Variants in ETV6 observed in about 807,000 individuals in gnomAD.
ETV6 encodes transcription factor ETV6.
Under a neutral mutation model 51.1 loss-of-function variants are expected in ETV6, and 16 were observed. The ratio of observed to expected loss-of-function variants is 0.31; its 90% confidence interval spans 0.21 to 0.48. The LOEUF is 0.48. Among genes scored for constraint, ETV6 ranks in the 20% least tolerant of loss-of-function variants. The pLI, the probability that ETV6 is intolerant of heterozygous loss-of-function variation, is 0.99. For missense variants in ETV6, 458 were observed against 594.8 expected, an observed-to-expected ratio of 0.77 and a Z score of 2.39; for synonymous variants, 240 against 224.1, an observed-to-expected ratio of 1.07 and a Z score of -0.64.
intron 4 of ETV6, among the ~76,000 whole-genome samples, chr12:11,864,514 T>A (rs1946764742): frequency 6.6e-6 from 1 of 152,262 alleles, no homozygotes; most frequent in Non-Finnish European, 1.5e-5. Context: ...AATAGTTGTT[T>A]ACAGTGATCA....
Position 11,891,295 on chromosome 12 carries a change from T to C in ETV6, c.*249T>C. 2.3e-6 allele frequency: 1 copy of C among 444,256 alleles called. No homozygotes were observed. The highest frequency in any genetic ancestry group is 4.1e-6 in the Non-Finnish European group (1 of 246,624). The allele number at this position is 444,256 out of a possible 1,614,324, so 27.5% of individuals were successfully genotyped here. A position where few individuals can be genotyped will look rare whatever the true frequency, so the allele number is the denominator to read the frequency against. ...GACTCCATGTCACGTTTCCTTCTGA[T>C]TTGGAATCTCTCCATCTGTAATTCC... On this transcript the variant is annotated 3_prime_UTR_variant, in exon 8 of 8. Coordinates refer to ENST00000396373, the MANE Select transcript of ETV6 (RefSeq NM_001987.5).
intron 1 of ETV6, among the ~76,000 whole-genome samples, chr12:11,747,690 T>G (rs918387095): frequency 6.6e-6 from 1 of 152,152 alleles, no homozygotes; most frequent in African/African-American, 2.4e-5. Context: ...GTGAAAAAAA[T>G]GTCGACTTTC....
chr12:11,773,413 A>G (rs1441550747), intron 2 of ETV6, among the ~76,000 whole-genome samples: 1 of 152,182 alleles, frequency 6.6e-6, no homozygotes, highest in East Asian at 1.9e-4. Context: ...ATGATGTCGG[A>G]ATGAACAAGA....
chr12:11,656,632 T>C lies in ETV6; in HGVS notation c.33+6472T>C, dbSNP rs534718892. Among the ~76,000 whole-genome samples the C allele has an allele frequency of 7.9e-5, 12 of 152,286 alleles. No homozygotes were observed. In the South Asian group the frequency reaches 1.0e-3, roughly 13 times the overall value. On this transcript the variant is annotated intron_variant, in intron 1 of 7. Coordinates refer to ENST00000396373, the MANE Select transcript of ETV6 (RefSeq NM_001987.5). ...GGTGAAATTTTGTCTTTGATGGGTT[T>C]CATTTTGGGCCCTTGTTGTTTTTCT...
chr12:11,796,221 T>C (rs1945674737), intron 2 of ETV6, among the ~76,000 whole-genome samples: 1 of 152,190 alleles, frequency 6.6e-6, no homozygotes, highest in African/African-American at 2.4e-5. Context: ...CTAGTTATGA[T>C]GCATTTGAGA....
intron 1 of ETV6, among the ~76,000 whole-genome samples, chr12:11,692,791 C>A (rs968169840): frequency 6.6e-6 from 1 of 152,148 alleles, no homozygotes; most frequent in Non-Finnish European, 1.5e-5. Context: ...GTGGTTCACG[C>A]CTGTAATCGC....
chr12:11,688,706 G>A lies in ETV6; in HGVS notation c.33+38546G>A, dbSNP rs1864685644. On this transcript the variant is annotated intron_variant, in intron 1 of 7. Transcript: ENST00000396373. ...TTTAGGGCAACCGTAGAAACCCCAG[G>A]AGGAGTGTGGTAGCGTGTGGAGACC... Among the ~76,000 whole-genome samples the A allele has an allele frequency of 2.6e-5, 4 of 152,218 alleles. No homozygotes were observed. The South Asian group carries it at 8.3e-4, about 31-fold the overall frequency.
intron 2 of ETV6, among the ~76,000 whole-genome samples, chr12:11,764,566 C>T (rs193227735): frequency 2.6e-4 from 39 of 152,340 alleles, no homozygotes; most frequent in South Asian, 4.1e-4. Context: ...CACTAAATGT[C>T]TTTACTTCAG....
chr12:11,804,503 T>A (rs1468621331), intron 2 of ETV6, among the ~76,000 whole-genome samples: 1 of 91,982 alleles, frequency 1.1e-5, no homozygotes, highest in African/African-American at 4.8e-5. Context: ...CAAGTTTATG[T>A]TCTACCTCAG....
intron 3 of ETV6, among the ~76,000 whole-genome samples, chr12:11,847,965 T>C (rs1946488790): frequency 6.6e-6 from 1 of 152,244 alleles, no homozygotes; most frequent in South Asian, 2.1e-4. Flanking sequence ...TGGAAATGTC[T>C]GTATGAAATG....
chr12:11,855,443 G>A (rs561559189), intron 4 of ETV6, among the ~76,000 whole-genome samples: 2 of 152,168 alleles, frequency 1.3e-5, no homozygotes, highest in African/African-American at 4.8e-5. Context: ...GACCACAGAC[G>A]TCCAAACGTG....
chr12:11,755,304 A>G (rs1409539468), intron 2 of ETV6, among the ~76,000 whole-genome samples: 2 of 152,212 alleles, frequency 1.3e-5, no homozygotes, highest in Non-Finnish European at 2.9e-5. Context: ...AAACCTTTCC[A>G]TTTCATCAGT....
intron 1 of ETV6, among the ~76,000 whole-genome samples, chr12:11,686,661 G>A (rs1449946262): frequency 6.6e-6 from 1 of 152,082 alleles, no homozygotes; most frequent in Non-Finnish European, 1.5e-5. Flanking sequence ...CCGAATATAT[G>A]GGACTACAGG....
rs572714373 is a variant in ETV6 at position 11,721,837 on chromosome 12, G to A, written c.34-30613G>A. ...TAGTTTCCTTATTTTTCTTACGAGA[G>A]TAAAATATTAAGATGTACATATTCT... is the stretch of plus-strand genomic sequence containing the variant. On this transcript the variant is annotated intron_variant, in intron 1 of 7. Coordinates refer to ENST00000396373, the MANE Select transcript of ETV6 (RefSeq NM_001987.5). 3.3e-5 allele frequency among the ~76,000 whole-genome samples: 5 copies of A among 152,306 alleles called. No homozygotes were observed. The East Asian group carries it at 9.6e-4, about 29-fold the overall frequency.
intron 1 of ETV6, among the ~76,000 whole-genome samples, chr12:11,670,426 G>A (rs1591598074): frequency 1.3e-5 from 2 of 152,324 alleles, no homozygotes; most frequent in South Asian, 4.1e-4. Context: ...AATTATTGCT[G>A]TAATTTCAAT....
intron 1 of ETV6, among the ~76,000 whole-genome samples, chr12:11,683,055 C>T (rs1864561886): frequency 6.6e-6 from 1 of 152,166 alleles, no homozygotes; most frequent in Non-Finnish European, 1.5e-5. Flanking sequence ...TCAAACTGGA[C>T]ATGAACATGT....
intron 1 of ETV6, among the ~76,000 whole-genome samples, chr12:11,723,343 A>G (rs1245782151): frequency 1.3e-5 from 2 of 152,120 alleles, no homozygotes; most frequent in Admixed American, 6.5e-5. Context: ...AGTACTTTGC[A>G]AGGATTATCA....
chr12:11,814,346 C>T, intron 2 of ETV6, among the ~76,000 whole-genome samples: 1 of 152,018 alleles, frequency 6.6e-6, no homozygotes, highest in Non-Finnish European at 1.5e-5. Context: ...TAAACAAAAC[C>T]TTGTAAAAAA....
intron 1 of ETV6, among the ~76,000 whole-genome samples, chr12:11,751,241 C>T (rs546296206): frequency 6.6e-6 from 1 of 152,352 alleles, no homozygotes; most frequent in African/African-American, 2.4e-5. Flanking sequence ...CGCCGCTTCC[C>T]TTTGCACATT....
Sources: gnomAD v4.1 joint callset for allele counts (sites outside exome capture counted in the v4.1 genomes callset) on GRCh38, gnomAD v4.1.1 for gene constraint, MANE v1.5 for transcripts, NCBI Gene and HGNC (gene_info 2026-07-23, HGNC 2026-07-21) for gene names.